Variants in RTL4 observed in about 807,000 individuals in gnomAD.
RTL4 encodes retrotransposon Gag like 4.
Under a neutral mutation model 5.3 loss-of-function variants are expected in RTL4, and 4 were observed. The observed-to-expected ratio is 0.75, with a 90% CI of 0.37 to 1.72. The LOEUF (loss-of-function observed/expected upper bound fraction) is 1.72, where lower values mean the gene tolerates loss of function less well. Among genes scored for constraint, RTL4 ranks in the 40% most tolerant of loss-of-function variants. The pLI, the probability that RTL4 is intolerant of heterozygous loss-of-function variation, is 0.04. For missense variants in RTL4, 260 were observed against 227.1 expected (o/e 1.14, Z -0.93); for synonymous variants, 98 against 87.3 (o/e 1.12, Z -0.68).
chrX:112,273,844 G>T, the RTL4 span, among the ~76,000 whole-genome samples: 1 of 111,742 alleles, frequency 8.9e-6, no homozygotes, highest in African/African-American at 3.3e-5. Context: ...TTATGTCACA[G>T]AATTGTTATG....
At chrX:112,445,283 C>T in the RTL4 span, among the ~76,000 whole-genome samples, 2 of 112,006 alleles carry the variant, frequency 1.8e-5, no homozygotes, top group East Asian at 2.8e-4. Flanking sequence ...ATAGTTCTTC[C>T]GTTTACTTTC....
At chrX:112,095,524 G>A in the RTL4 span, among the ~76,000 whole-genome samples, 1 of 111,520 alleles carries the variant, frequency 9.0e-6, no homozygotes, top group South Asian at 3.8e-4. Flanking sequence ...GGAATGTGAT[G>A]GATCATTGAA....
chrX:112,353,180 A>G, the RTL4 span, among the ~76,000 whole-genome samples: 6 of 111,973 alleles, frequency 5.4e-5, no homozygotes. Flanking sequence ...AAGTCAGGAA[A>G]CAACAGGTGC....
chrX:112,323,187 A>T, the RTL4 span, among the ~76,000 whole-genome samples: 1 of 112,136 alleles, frequency 8.9e-6, no homozygotes, highest in African/African-American at 3.2e-5. Context: ...CAACTTTGTC[A>T]GTTTGATGGG....
At chrX:112,402,091 A>G in the RTL4 span, among the ~76,000 whole-genome samples, 5 of 111,880 alleles carry the variant, frequency 4.5e-5, no homozygotes, top group South Asian at 1.9e-3. Flanking sequence ...CTCAAGAACC[A>G]ACTCAAGCCT....
the RTL4 span, among the ~76,000 whole-genome samples, chrX:112,395,654 G>A: frequency 1.8e-5 from 2 of 111,462 alleles, no homozygotes; most frequent in Non-Finnish European, 3.8e-5. Flanking sequence ...CTTTCAATAA[G>A]TTTCCACCTC....
chrX:112,430,155 T>C, the RTL4 span, among the ~76,000 whole-genome samples: 1 of 111,681 alleles, frequency 9.0e-6, no homozygotes, highest in Non-Finnish European at 1.9e-5. Context: ...CTTTTTCCTC[T>C]CCTTCTGGTA....
chrX:112,411,554 CA>C, the RTL4 span, among the ~76,000 whole-genome samples: 1 of 111,171 alleles, frequency 9.0e-6, no homozygotes, highest in African/African-American at 3.3e-5. Context: ...TCAACATATG[CA>C]AATCAATCAG....
the RTL4 span, among the ~76,000 whole-genome samples, chrX:112,445,867 A>C: frequency 1.8e-5 from 2 of 112,368 alleles, no homozygotes; most frequent in Non-Finnish European, 1.9e-5. Flanking sequence ...TTTATGGATA[A>C]AGAAAATAAA....
chrX:112,100,239 G>A, the RTL4 span, among the ~76,000 whole-genome samples: 1 of 112,090 alleles, frequency 8.9e-6, no homozygotes, highest in Non-Finnish European at 1.9e-5. Context: ...TCAGTGCAGT[G>A]GTGGGAGCAG....
chrX:112,173,943 C>T, the RTL4 span, among the ~76,000 whole-genome samples: 1 of 109,844 alleles, frequency 9.1e-6, no homozygotes, highest in African/African-American at 3.3e-5. Context: ...AATATTCTGT[C>T]ATCTTATGAT....
chrX:112,332,977 T>G, the RTL4 span, among the ~76,000 whole-genome samples: 1 of 111,443 alleles, frequency 9.0e-6, no homozygotes, highest in African/African-American at 3.3e-5. Context: ...TTGATGCTGT[T>G]ATCATTATAA....
the RTL4 span, among the ~76,000 whole-genome samples, chrX:112,130,941 C>T: frequency 5.8e-5 from 6 of 103,111 alleles, no homozygotes; most frequent in Admixed American, 1.0e-4. Flanking sequence ...CTACAGGCTC[C>T]CGCCACCATG....
At chrX:112,191,562 T>C in the RTL4 span, among the ~76,000 whole-genome samples, 1 of 111,852 alleles carries the variant, frequency 8.9e-6, no homozygotes, top group Non-Finnish European at 1.9e-5. Flanking sequence ...GGCTTAGGCA[T>C]TAAGTATCTT....
At chrX:112,128,948 A>G in the RTL4 span, among the ~76,000 whole-genome samples, 2 of 111,814 alleles carry the variant, frequency 1.8e-5, no homozygotes, top group African/African-American at 3.2e-5. Context: ...TCTGATAAGG[A>G]TCTAATGTCA....
At chrX:112,175,807 T>C in the RTL4 span, among the ~76,000 whole-genome samples, 1 of 111,332 alleles carries the variant, frequency 9.0e-6, no homozygotes, top group Non-Finnish European at 1.9e-5. Flanking sequence ...GCATTCCCTT[T>C]GAAAACTGGC....
the RTL4 span, among the ~76,000 whole-genome samples, chrX:112,310,371 T>TATAC: frequency 3.8e-3 from 4 of 1,047 alleles, no homozygotes; most frequent in Non-Finnish European, 9.5e-3. Context: ...CCTTTATACA[T>TATAC]ATATATATAT....
chrX:112,437,275 A>G, the RTL4 span, among the ~76,000 whole-genome samples: 1 of 111,854 alleles, frequency 8.9e-6, no homozygotes, highest in East Asian at 2.8e-4. Flanking sequence ...TCTACAAGAC[A>G]GTCCAGCATA....
At chrX:112,152,916 G>T in the RTL4 span, among the ~76,000 whole-genome samples, 1 of 111,275 alleles carries the variant, frequency 9.0e-6, no homozygotes, top group Non-Finnish European at 1.9e-5. Context: ...ATCTCCATAG[G>T]TTCTTAAAGA....
Sources: gnomAD v4.1 joint callset for allele counts (sites outside exome capture counted in the v4.1 genomes callset) on GRCh38, gnomAD v4.1.1 for gene constraint, MANE v1.5 for transcripts, NCBI Gene and HGNC (gene_info 2026-07-23, HGNC 2026-07-21) for gene names.